The following POLK variants were observed in gnomAD, a reference collection of about 807,000 sequenced individuals.
The protein encoded by POLK is DNA polymerase kappa.
In POLK, 76 loss-of-function variants were observed where a neutral mutation model predicts 94.0. The observed-to-expected ratio is 0.81, with a 90% CI of 0.67 to 0.98. The LOEUF (loss-of-function observed/expected upper bound fraction) is 0.98. Among genes scored for constraint, POLK ranks in the 50% least tolerant of loss-of-function variants. The probability of loss-of-function intolerance (pLI) is 0.00; values close to 1 mark genes in which losing one functional copy is unlikely to be tolerated. For synonymous variants in POLK, 349 were observed against 325.4 expected (o/e 1.07, Z -0.78); for missense variants, 954 against 1,010.1 (o/e 0.94, Z 0.75).
intron 1 of POLK, among the ~76,000 whole-genome samples, chr5:75,542,686 CAT>C (rs894832165): frequency 1.2e-4 from 18 of 146,686 alleles, no homozygotes; most frequent in Admixed American, 6.1e-4. Flanking sequence ...CATATATATA[CAT>C]ATATGTATAT....
chr5:75,551,826 G>A (rs1770350403), intron 2 of POLK, among the ~76,000 whole-genome samples: 1 of 152,194 alleles, frequency 6.6e-6, no homozygotes, highest in African/African-American at 2.4e-5. Context: ...AAAAGGTTGA[G>A]TATAGAGGTA....
rs565034468 is a variant in POLK at position 75,515,130 on chromosome 5, T to C, written c.-14+3216T>C. 6.0e-4 allele frequency among the ~76,000 whole-genome samples: 91 copies of C among 152,312 alleles called. 1 individual carries two copies. The highest frequency in any genetic ancestry group is 2.1e-3 in the African/African-American group (88 of 41,578). On this transcript the variant is annotated intron_variant, in intron 1 of 14. Transcript: ENST00000241436. ...AATAATTTAAATGATCTCTGGAGCC[T>C]CTTGCAACTATCCCCTTGTCTTGTG...
chr5:75,595,246 C>CAAAAAAAAAAAAAA, intron 12 of POLK, among the ~76,000 whole-genome samples: 1 of 21,676 alleles, frequency 4.6e-5, no homozygotes, highest in Non-Finnish European at 6.5e-5. Flanking sequence ...AACTCCACCT[C>CAAAAAAAAAAAAAA]AGAAAAAAAA....
chr5:75,596,840 T>A (rs756732785), exon 13 of POLK: 1 of 1,613,140 alleles, frequency 6.2e-7, no homozygotes, highest in Admixed American at 1.7e-5. Context: ...GCAGAAAGCA[T>A]AGATGCTTTA....
chr5:75,569,621 T>A (rs2112761671), intron 4 of POLK, 129 bp downstream of exon 4: 1 of 733,428 alleles, frequency 1.4e-6, no homozygotes, highest in Admixed American at 3.0e-5. Flanking sequence ...GCCTTATATA[T>A]GACTCAATTA....
exon 3 of POLK, chr5:75,552,526 A>G (rs769816183): frequency 6.2e-7 from 1 of 1,613,018 alleles, no homozygotes; most frequent in Non-Finnish European, 8.5e-7. Context: ...CAACCAACGA[A>G]TTGAAAATAT....
At chr5:75,545,032 C>T (rs573873273) in intron 1 of POLK, among the ~76,000 whole-genome samples, 41 of 152,318 alleles carry the variant, frequency 2.7e-4, no homozygotes, top group African/African-American at 9.9e-4. Flanking sequence ...CTTCTACTCC[C>T]AGACCTTCTG....
intron 1 of POLK, among the ~76,000 whole-genome samples, chr5:75,518,952 C>A (rs576824281): frequency 6.6e-6 from 1 of 152,278 alleles, no homozygotes; most frequent in South Asian, 2.1e-4. Context: ...TCAGGTGATG[C>A]TCCTGCCTCA....
chr5:75,566,594 C>G (rs1771288066), intron 3 of POLK, among the ~76,000 whole-genome samples: 1 of 152,194 alleles, frequency 6.6e-6, no homozygotes. Flanking sequence ...ACGGCACAGT[C>G]CCTCACGGCT....
chr5:75,603,175 T>A (rs2112921886), downstream of POLK, among the ~76,000 whole-genome samples: 1 of 152,204 alleles, frequency 6.6e-6, no homozygotes, highest in East Asian at 1.9e-4. Context: ...TACTCCTTAC[T>A]TTTTAACTCA....
intron 3 of POLK, among the ~76,000 whole-genome samples, chr5:75,566,815 C>T (rs990273053): frequency 2.6e-5 from 4 of 152,248 alleles, no homozygotes; most frequent in South Asian, 4.1e-4. Context: ...CGGGAATCCC[C>T]GAAGCCGTTA....
intron 2 of POLK, among the ~76,000 whole-genome samples, chr5:75,550,648 C>G (rs1561361803): frequency 6.6e-6 from 1 of 151,834 alleles, no homozygotes; most frequent in African/African-American, 2.4e-5. Flanking sequence ...AAATAAAGGG[C>G]AAAAAAACCA....
chr5:75,514,169 G>T (rs903816498), intron 1 of POLK, among the ~76,000 whole-genome samples: 3 of 152,040 alleles, frequency 2.0e-5, no homozygotes, highest in African/African-American at 7.3e-5. Context: ...TCTGACTGGG[G>T]TGCTATAAAA....
chr5:75,590,979 A>G (rs949147110), intron 11 of POLK, among the ~76,000 whole-genome samples: 2 of 152,184 alleles, frequency 1.3e-5, no homozygotes. Context: ...GTGTATTCCC[A>G]ACACTCTCAA....
At chr5:75,524,352 C>G (rs1768731998) in intron 1 of POLK, among the ~76,000 whole-genome samples, 2 of 152,076 alleles carry the variant, frequency 1.3e-5, no homozygotes. Context: ...CTTAACCCAT[C>G]TGAAACCAAT....
In POLK at chr5:75,517,453, TA is replaced by T. The variant is rs1233411082; in HGVS notation, c.-14+5547del. On this transcript the variant is annotated intron_variant, in intron 1 of 14. Transcript: ENST00000241436. ...AAATAAATCAAGAAAGCAATCTAAA[TA>T]AAAAAAAGTCTGTACTGACTTTTGT... Among the ~76,000 whole-genome samples the T allele has an allele frequency of 1.1e-4, 17 of 152,078 alleles. No homozygotes were observed. The South Asian group carries it at 2.7e-3, about 24-fold the overall frequency.
intron 1 of POLK, among the ~76,000 whole-genome samples, chr5:75,526,620 C>T (rs1257097171): frequency 2.2e-5 from 3 of 138,958 alleles, no homozygotes; most frequent in East Asian, 2.1e-4. Flanking sequence ...CTCGCTCCGT[C>T]GCCCAGGCTG....
intron 1 of POLK, among the ~76,000 whole-genome samples, chr5:75,528,726 A>G (rs1398527086): frequency 6.6e-6 from 1 of 152,174 alleles, no homozygotes; most frequent in Admixed American, 6.5e-5. Flanking sequence ...CAGAAGGATC[A>G]CTTAAGCCTA....
intron 1 of POLK, among the ~76,000 whole-genome samples, chr5:75,529,111 T>C (rs1769017428): frequency 6.6e-6 from 1 of 152,184 alleles, no homozygotes; most frequent in African/African-American, 2.4e-5. Context: ...GGGTAATTTA[T>C]AAAGAAAAGA....
Sources: gnomAD v4.1 joint callset for allele counts (sites outside exome capture counted in the v4.1 genomes callset) on GRCh38, gnomAD v4.1.1 for gene constraint, MANE v1.5 for transcripts, NCBI Gene and HGNC (gene_info 2026-07-23, HGNC 2026-07-21) for gene names.